The following PREP variants were observed in gnomAD, a reference collection of about 807,000 sequenced individuals.
The protein encoded by PREP is dJ355L5.1 (prolyl endopeptidase).
PREP carries 29 observed loss-of-function variants against 87.6 expected under a neutral mutation model. The observed-to-expected ratio is 0.33, with a 90% CI of 0.25 to 0.45. The LOEUF (loss-of-function observed/expected upper bound fraction) is 0.45, where lower values mean the gene tolerates loss of function less well. Among genes scored for constraint, PREP ranks in the 20% least tolerant of loss-of-function variants. The pLI, the probability that PREP is intolerant of heterozygous loss-of-function variation, is 1.00. For synonymous variants in PREP, 337 were observed against 328.6 expected (o/e 1.03, Z -0.28); for missense variants, 695 against 886.5 (o/e 0.78, Z 2.74).
Position 105,338,127 on chromosome 6 carries a change from T to TATG in PREP, c.824-4625_824-4623dup, listed in dbSNP as rs1169984046. ...AGAACAATGAAACAATTTTCTGGAC[T>TATG]ATGACATTTGTAGACGCAAAATCTT... On this transcript the variant is annotated intron_variant, in intron 7 of 14. Coordinates refer to ENST00000652536, the MANE Select transcript of PREP (RefSeq NM_002726.5). Among the ~76,000 whole-genome samples the TATG allele has an allele frequency of 2.0e-5, 3 of 152,264 alleles. No individual in the cohort carries two copies. The East Asian group carries it at 5.8e-4, about 29-fold the overall frequency.
rs537947780 is a variant in PREP at position 105,348,989 on chromosome 6, A to T, written c.823+3983T>A. Among the ~76,000 whole-genome samples the T allele has an allele frequency of 4.6e-5, 7 of 152,226 alleles. No homozygotes were observed. The East Asian group carries it at 1.4e-3, about 29-fold the overall frequency. The stretch of plus-strand genomic sequence containing the variant: ...ACATTTCTCTGGTAAGCCAGTGGAG[A>T]ATAGGACATGACTCTTTGGAGACGA... On this transcript the variant is annotated intron_variant, in intron 7 of 14. Transcript: ENST00000652536.
chr6:105,380,496 CA>C (rs1772809119), intron 2 of PREP, among the ~76,000 whole-genome samples: 1 of 152,034 alleles, frequency 6.6e-6, no homozygotes, highest in African/African-American at 2.4e-5. Context: ...TATAGGGGAG[CA>C]AAAGTGGAGA....
intron 2 of PREP, among the ~76,000 whole-genome samples, chr6:105,392,349 T>C (rs1773174862): frequency 6.6e-6 from 1 of 152,088 alleles, no homozygotes; most frequent in African/African-American, 2.4e-5. Flanking sequence ...CAAATCATTT[T>C]TAGGGACTGC....
intron 8 of PREP, among the ~76,000 whole-genome samples, chr6:105,331,853 G>T (rs757710952): frequency 6.6e-6 from 1 of 152,132 alleles, no homozygotes; most frequent in Non-Finnish European, 1.5e-5. Context: ...GTTCTTGCCT[G>T]TAAGTCCCCC....
chr6:105,329,144 G>A (rs1771253847), intron 8 of PREP, 118 bp from the exon 9 acceptor site: 5 of 959,372 alleles, frequency 5.2e-6, no homozygotes, highest in South Asian at 5.0e-5. Context: ...GACTTGCAAA[G>A]TCACTTTTAC....
chr6:105,392,796 C>T (rs185739485), intron 2 of PREP, among the ~76,000 whole-genome samples: 6 of 152,114 alleles, frequency 3.9e-5, no homozygotes, highest in Non-Finnish European at 7.4e-5. Flanking sequence ...AGGCTGGCCT[C>T]GAACTCCTGA....
chr6:105,276,585 G>A lies in PREP; in HGVS notation c.*1559C>T, dbSNP rs1769935817. Among the ~76,000 whole-genome samples, 1 of 152,214 alleles carries A rather than the reference G, an allele frequency of 6.6e-6. No homozygotes were observed. Among genetic ancestry groups the A allele is most frequent in the African/African-American group, 2.4e-5 (1 of 41,450 alleles). On this transcript the variant is annotated 3_prime_UTR_variant, in exon 15 of 15. Coordinates refer to ENST00000652536, the MANE Select transcript of PREP (RefSeq NM_002726.5). ...GCTAGTATCAGTATCTGAGTAGATG[G>A]TGATGACGACAGAGTCTCAGCATGC...
chr6:105,336,566 T>C (rs2114662976), intron 7 of PREP, among the ~76,000 whole-genome samples: 1 of 152,352 alleles, frequency 6.6e-6, no homozygotes, highest in African/African-American at 2.4e-5. Context: ...AAAACTGAAT[T>C]GAACCTTTTA....
chr6:105,303,931 T>C (rs1770599595), intron 10 of PREP, among the ~76,000 whole-genome samples: 1 of 152,232 alleles, frequency 6.6e-6, no homozygotes, highest in Non-Finnish European at 1.5e-5. Flanking sequence ...ATTCACATTA[T>C]TTATTTTACT....
intron 10 of PREP, among the ~76,000 whole-genome samples, chr6:105,309,830 T>A (rs1287668462): frequency 1.3e-5 from 2 of 152,200 alleles, no homozygotes; most frequent in South Asian, 2.1e-4. Flanking sequence ...AGGGAACTTG[T>A]TTCTGAGTGA....
At chr6:105,358,284 A>G (rs1276219386) in intron 6 of PREP, among the ~76,000 whole-genome samples, 1 of 152,114 alleles carries the variant, frequency 6.6e-6, no homozygotes, top group African/African-American at 2.4e-5. Flanking sequence ...ATAACAATAA[A>G]CATCAAGGTT....
chr6:105,397,185 C>CCAAAAAAAAA (rs775026045), intron 2 of PREP, among the ~76,000 whole-genome samples: 4 of 86,854 alleles, frequency 4.6e-5, no homozygotes, highest in Non-Finnish European at 7.6e-5. Flanking sequence ...ACTCTGTCTA[C>CCAAAAAAAAA]AAAAAAAAAA....
At chr6:105,322,084 G>GA (rs144523786) in intron 10 of PREP, among the ~76,000 whole-genome samples, 1,718 of 151,548 alleles carry the variant, frequency 0.011, 34 homozygotes, top group African/African-American at 0.04. Flanking sequence ...CAAATTAGAG[G>GA]AAAAAAAAGA....
At chr6:105,373,932 A>G (rs1331111964) in intron 4 of PREP, among the ~76,000 whole-genome samples, 1 of 152,236 alleles carries the variant, frequency 6.6e-6, no homozygotes, top group African/African-American at 2.4e-5. Context: ...TATACTCTAA[A>G]GGGAATAAGG....
At chr6:105,309,596 T>A (rs891202154) in intron 10 of PREP, among the ~76,000 whole-genome samples, 1 of 152,190 alleles carries the variant, frequency 6.6e-6, no homozygotes, top group Non-Finnish European at 1.5e-5. Flanking sequence ...TTTCTTTTTT[T>A]ATTTTTTAGT....
At chr6:105,365,948 C>T (rs1279080756) in intron 6 of PREP, among the ~76,000 whole-genome samples, 4 of 150,872 alleles carry the variant, frequency 2.7e-5, no homozygotes, top group South Asian at 2.1e-4. Context: ...TTATTTATTG[C>T]TATTCTTTAA....
At chr6:105,364,221 A>G (rs944378838) in intron 6 of PREP, among the ~76,000 whole-genome samples, 3 of 152,228 alleles carry the variant, frequency 2.0e-5, no homozygotes, top group African/African-American at 4.8e-5. Context: ...AGCAGTTCCA[A>G]TAACCAAAAG....
At chr6:105,353,157 A>C (rs1772002662) in intron 6 of PREP, 80 bp from the exon 7 acceptor site, 12 of 1,160,740 alleles carry the variant, frequency 1.0e-5, no homozygotes, top group Non-Finnish European at 1.5e-5. Flanking sequence ...TAAGTTAAAA[A>C]ATTAAGGTTA....
intron 14 of PREP, 28 bp downstream of exon 14, chr6:105,281,717 AC>A (rs764405232): frequency 1.5e-5 from 24 of 1,603,084 alleles, no homozygotes; most frequent in Non-Finnish European, 1.9e-5. Flanking sequence ...CAAACCACTA[AC>A]AACATATATA....
Sources: gnomAD v4.1 joint callset for allele counts (sites outside exome capture counted in the v4.1 genomes callset) on GRCh38, gnomAD v4.1.1 for gene constraint, MANE v1.5 for transcripts, NCBI Gene and HGNC (gene_info 2026-07-23, HGNC 2026-07-21) for gene names.